Variants in CALD1 observed in about 807,000 individuals in gnomAD.
CALD1 encodes the protein caldesmon.
CALD1 carries 33 observed loss-of-function variants against 99.9 expected under a neutral mutation model. The observed-to-expected ratio is 0.33, with a 90% CI of 0.25 to 0.44. The LOEUF (loss-of-function observed/expected upper bound fraction) is 0.44. CALD1 is among the 20% of genes least tolerant of loss of function. The pLI is 1.00. For synonymous variants in CALD1, 310 were observed against 325.0 expected (o/e 0.95, Z 0.50); for missense variants, 861 against 962.1 (o/e 0.89, Z 1.39).
chr7:134,882,242 A>G (rs1057053299), intron 3 of CALD1, among the ~76,000 whole-genome samples: 11 of 152,188 alleles, frequency 7.2e-5, no homozygotes, highest in African/African-American at 2.4e-4. Flanking sequence ...GACACCATCA[A>G]TGCCTCTCCT....
intron 3 of CALD1, chr7:134,899,682 C>A (rs1802846080): frequency 6.6e-6 from 1 of 152,250 alleles, no homozygotes. Flanking sequence ...CTTGCTCTGT[C>A]TCCCAGGCTA....
the CALD1 span, among the ~76,000 whole-genome samples, chr7:134,715,912 C>A: frequency 6.6e-6 from 1 of 152,038 alleles, no homozygotes; most frequent in Non-Finnish European, 1.5e-5. Context: ...TAAAAATTTG[C>A]AAAATAGTTT....
chr7:134,961,382 T>C (rs549667214), intron 13 of CALD1: 2 of 152,338 alleles, frequency 1.3e-5, no homozygotes, highest in African/African-American at 4.8e-5. Flanking sequence ...TTTTATAGCT[T>C]TGTTGGTGCC....
At chr7:134,865,481 A>ACACT (rs1800763896) in intron 2 of CALD1, among the ~76,000 whole-genome samples, 1 of 152,164 alleles carries the variant, frequency 6.6e-6, no homozygotes, top group African/African-American at 2.4e-5. Context: ...GAAATGGCAC[A>ACACT]CGCTCTCTCT....
chr7:134,905,951 C>CA (rs1803350309), intron 3 of CALD1, among the ~76,000 whole-genome samples: 1 of 102,674 alleles, frequency 9.7e-6, no homozygotes. Context: ...TTTTTTGAGA[C>CA]AGAGTTTTGC....
the CALD1 span, among the ~76,000 whole-genome samples, chr7:134,727,863 A>G: frequency 6.6e-6 from 1 of 152,230 alleles, no homozygotes; most frequent in Non-Finnish European, 1.5e-5. Flanking sequence ...GACCTAGTGC[A>G]GAAGAAGCTC....
At chr7:134,937,108 G>A (rs35136217) in intron 6 of CALD1, among the ~76,000 whole-genome samples, 8 of 152,200 alleles carry the variant, frequency 5.3e-5, no homozygotes, top group South Asian at 2.1e-4. Flanking sequence ...TGATGACTCA[G>A]TAATTAAACA....
At chr7:134,845,028 T>TTC (rs776819274) in intron 2 of CALD1, among the ~76,000 whole-genome samples, 2 of 152,174 alleles carry the variant, frequency 1.3e-5, no homozygotes, top group African/African-American at 2.4e-5. Context: ...GCCACCATCA[T>TTC]TTTCCCTCTC....
chr7:134,968,564 C>CATGAA lies in CALD1; in HGVS notation c.*219_*220insATGAA. On this transcript the variant is annotated 3_prime_UTR_variant, in exon 15 of 15. Coordinates refer to ENST00000361675, the MANE Select transcript of CALD1 (RefSeq NM_033138.4). ...ACTGCCTTTGCACAGGAGCCTGTTT[C>CATGAA]TAAAGAAACCCATGCTGTGAAATAG... 1.4e-6 allele frequency: 1 copy of CATGAA among 700,124 alleles called. No individual in the cohort carries two copies. Among genetic ancestry groups the CATGAA allele is most frequent in the Non-Finnish European group, 2.6e-6 (1 of 381,610 alleles). 43.4% of individuals were successfully genotyped at this position (700,124 alleles called of 1,614,324 possible).
chr7:134,939,740 A>G (rs575891887), intron 6 of CALD1, among the ~76,000 whole-genome samples: 1 of 152,280 alleles, frequency 6.6e-6, no homozygotes, highest in Admixed American at 6.5e-5. Flanking sequence ...AGGTGGGCAG[A>G]TCACTTGAGG....
chr7:134,910,552 T>C (rs1803728978), intron 3 of CALD1, among the ~76,000 whole-genome samples: 2 of 152,112 alleles, frequency 1.3e-5, no homozygotes, highest in South Asian at 2.1e-4. Flanking sequence ...TAAAAAGGCA[T>C]GTGCTGGAGT....
chr7:134,950,479 T>A lies in CALD1; in HGVS notation c.1900T>A (p.Phe634Ile). 6.2e-7 allele frequency: 1 copy of A among 1,614,146 alleles called. No homozygotes were observed. Among genetic ancestry groups the A allele is most frequent in the Non-Finnish European group, 8.5e-7 (1 of 1,179,962 alleles). The stretch of plus-strand genomic sequence containing the variant: ...TGGCTTGTCAGATGACAAGAAACCA[T>A]TCAAGTGTTTCACTCCTAAAGGTTC... ...EDGLSDDKKP[F>I]KCFTPKGSSL... Residue 634 changes from phenylalanine to isoleucine, a missense_variant, in exon 9 of 15, where the codon TTC (phenylalanine) becomes ATC (isoleucine). Physicochemically the swap from Phe to Ile is conservative, Grantham distance 21 (BLOSUM62 0). Coordinates refer to ENST00000361675, the MANE Select transcript of CALD1 (RefSeq NM_033138.4).
At chr7:134,714,390 C>T in the CALD1 span, among the ~76,000 whole-genome samples, 1 of 152,182 alleles carries the variant, frequency 6.6e-6, no homozygotes, top group Non-Finnish European at 1.5e-5. Flanking sequence ...CTTCCTCTGG[C>T]AGGTTCTCCC....
chr7:134,760,849 T>C (rs925377201), intron 1 of CALD1, among the ~76,000 whole-genome samples: 2 of 152,228 alleles, frequency 1.3e-5, no homozygotes, highest in African/African-American at 4.8e-5. Flanking sequence ...TCTTCTTTCT[T>C]CCTTTTTTAA....
intron 1 of CALD1, among the ~76,000 whole-genome samples, chr7:134,791,900 G>C (rs1797549313): frequency 6.6e-6 from 1 of 152,216 alleles, no homozygotes; most frequent in South Asian, 2.1e-4. Context: ...AGGCAAGAGA[G>C]CTTGTGCAGG....
At chr7:134,926,743 CTGTTT>C (rs1289259414) in intron 3 of CALD1, among the ~76,000 whole-genome samples, 2 of 152,118 alleles carry the variant, frequency 1.3e-5, no homozygotes, top group Admixed American at 1.3e-4. Context: ...TATGGTTCTA[CTGTTT>C]TGTTTTAATT....
At chr7:134,908,690 C>T (rs1803577884) in intron 3 of CALD1, among the ~76,000 whole-genome samples, 3 of 152,180 alleles carry the variant, frequency 2.0e-5, no homozygotes, top group Admixed American at 1.3e-4. Context: ...TTCTAATGTG[C>T]AGCTGAGGTT....
At chr7:134,892,097 A>G (rs903216514) in intron 3 of CALD1, among the ~76,000 whole-genome samples, 12 of 152,222 alleles carry the variant, frequency 7.9e-5, no homozygotes, top group Admixed American at 5.9e-4. Context: ...CAATCCTTAG[A>G]GTAAACAGCC....
At chr7:134,885,483 A>G (rs925630837) in intron 3 of CALD1, among the ~76,000 whole-genome samples, 2 of 152,248 alleles carry the variant, frequency 1.3e-5, no homozygotes, top group Admixed American at 6.5e-5. Flanking sequence ...ATCACTGGAA[A>G]AAAATCTGGA....
Sources: allele counts gnomAD v4.1 joint callset (sites outside exome capture counted in the v4.1 genomes callset), GRCh38; gene constraint gnomAD v4.1.1; transcripts MANE v1.5; gene names NCBI Gene and HGNC (gene_info 2026-07-23, HGNC 2026-07-21).